IQGAP3: variants seen among roughly 807,000 people sequenced by gnomAD.
The protein encoded by IQGAP3 is ras GTPase-activating-like protein IQGAP3.
IQGAP3 carries 165 observed loss-of-function variants against 208.2 expected under a neutral mutation model. That is an observed-to-expected ratio of 0.79 (90% CI 0.70 to 0.90). IQGAP3 has a LOEUF of 0.90. Ranked by LOEUF, IQGAP3 falls within the 40% of genes least tolerant of loss-of-function variation. The probability of loss-of-function intolerance (pLI) is 0.00; values close to 1 mark genes in which losing one functional copy is unlikely to be tolerated. For missense variants in IQGAP3, 1,811 were observed against 2,043.1 expected (o/e 0.89, Z 2.19); for synonymous variants, 703 against 803.6 (o/e 0.87, Z 2.12).
In IQGAP3 at chr1:156,530,191, C is replaced by T. The variant is rs750097388; in HGVS notation, c.4318G>A (p.Val1440Ile). The T allele has an allele frequency of 6.0e-5, 97 of 1,612,592 alleles. No individual in the cohort carries two copies. Among genetic ancestry groups the T allele is most frequent in the African/African-American group, 8.0e-5 (6 of 74,926 alleles). Residue 1440 changes from valine to isoleucine, a missense_variant, in exon 34 of 38, where the codon GTC (valine) becomes ATC (isoleucine). Val to Ile is a conservative substitution (Grantham distance 29). Transcript: ENST00000361170. ...TCAAGTCGGCGTAGGTTCCGCAGGA[C>T]GCGCCGCTGCTTCTCTGCCAGTGGC... Reference protein sequence around the residue: ...LLPLAEKQRRVLRNLRRLEAL... With the variant: ...LLPLAEKQRRILRNLRRLEAL...
At chr1:156,567,604 T>G (rs1676466176) in intron 2 of IQGAP3, among the ~76,000 whole-genome samples, 1 of 152,224 alleles carries the variant, frequency 6.6e-6, no homozygotes, top group East Asian at 1.9e-4. Flanking sequence ...CCCTACATAT[T>G]GGGGTCTAAT....
chr1:156,535,712 G>A (rs1192170881), intron 27 of IQGAP3, among the ~76,000 whole-genome samples: 1 of 152,210 alleles, frequency 6.6e-6, no homozygotes, highest in Admixed American at 6.5e-5. Flanking sequence ...GCATCTGTGA[G>A]TGGCCTAGTC....
In IQGAP3 at chr1:156,548,648, T is replaced by A. The variant is rs576411714; in HGVS notation, c.1926A>T (p.Val642=). 4.3e-6 allele frequency: 7 copies of A among 1,612,432 alleles called. 1 individual carries two copies. In the South Asian group the frequency reaches 7.7e-5, roughly 18 times the overall value. The change falls in exon 17 of 38, where the codon GTA becomes GTT. Residue 642 remains valine (V), a synonymous_variant. Coordinates refer to ENST00000361170, the MANE Select transcript of IQGAP3 (RefSeq NM_178229.5). The part of the protein sequence containing the change: ...LRNPAVALRG[V]VPDCANGYQR... ...GGTAGCCGTTGGCACAGTCGGGAAC[T>A]ACCCCTCGAAGGGCCACTGCGGGGT...
At chr1:156,529,270 C>A (rs2102350349) in intron 34 of IQGAP3, among the ~76,000 whole-genome samples, 188 bp from the exon 35 acceptor site, 1 of 152,338 alleles carries the variant, frequency 6.6e-6, no homozygotes, top group African/African-American at 2.4e-5. Flanking sequence ...AGGGCCTCTG[C>A]CCGTTGAGGA....
chr1:156,536,317 C>T (rs1056295929), intron 27 of IQGAP3, among the ~76,000 whole-genome samples: 4 of 147,524 alleles, frequency 2.7e-5, no homozygotes, highest in Non-Finnish European at 4.5e-5. Context: ...CTGTCATTTT[C>T]GACAACATAG....
chr1:156,563,829 G>C lies in IQGAP3; in HGVS notation c.438-5C>G. 1 of 1,612,966 alleles carries C rather than the reference G, an allele frequency of 6.2e-7. No homozygotes were observed. Among genetic ancestry groups the C allele is most frequent in the South Asian group, 1.1e-5 (1 of 90,898 alleles). ...CCCAGCCGGAAGAGGAAGAGACTAGGAAAAAACGGAAGGCATTGGAAGGCA... is the reference window on the plus strand; with the variant it reads ...CCCAGCCGGAAGAGGAAGAGACTAGCAAAAAACGGAAGGCATTGGAAGGCA... On this transcript the variant is annotated splice_region_variant and splice_polypyrimidine_tract_variant and intron_variant, in intron 5 of 37. Transcript: ENST00000361170.
chr1:156,532,988 C>T lies in IQGAP3; in HGVS notation c.4095G>A (p.Leu1365=). The T allele has an allele frequency of 5.0e-6, 8 of 1,614,008 alleles. No homozygotes were observed. Among genetic ancestry groups the T allele is most frequent in the Non-Finnish European group, 6.8e-6 (8 of 1,179,932 alleles). The change falls in exon 32 of 38, where the codon CTG becomes CTA. Residue 1365 remains leucine (L), a synonymous_variant. Transcript: ENST00000361170. ...AGGCTGGCATCACCCACCTCAGAAG[C>T]AGGCTACGGGTGTTGGAGTCATCAG... The part of the protein sequence containing the change: ...ADADDSNTRS[L]LLSTKQLLAD...
In IQGAP3 at chr1:156,537,293, G is replaced by T. The variant is rs368383045; in HGVS notation, c.3310C>A (p.Gln1104Lys). 2.4e-5 allele frequency: 38 copies of T among 1,613,792 alleles called. No homozygotes were observed. The highest frequency in any genetic ancestry group is 3.1e-5 in the Non-Finnish European group (37 of 1,179,894). The part of the protein sequence containing the change: ...SHLPYDVTPE[Q>K]ALSHPEVQRR... Reference sequence around the variant, plus strand: ...TGGACCTCGGGGTGGCTCAAGGCCTGCTCCGGGGTGACATCATATGGGAGA... The same window carrying T: ...TGGACCTCGGGGTGGCTCAAGGCCTTCTCCGGGGTGACATCATATGGGAGA... Residue 1104 changes from glutamine (Q) to lysine (K), a missense_variant, in exon 27 of 38, where the codon CAG (glutamine) becomes AAG (lysine). By Grantham distance (53) the Gln-to-Lys change is moderately conservative. Coordinates refer to ENST00000361170, the MANE Select transcript of IQGAP3 (RefSeq NM_178229.5).
rs375217772 is a variant in IQGAP3 at position 156,566,612 on chromosome 1, A to G, written c.126-66T>C. On this transcript the variant is annotated intron_variant, in intron 2 of 37. Coordinates refer to ENST00000361170, the MANE Select transcript of IQGAP3 (RefSeq NM_178229.5). ...CACAGTGATTTATTCTAACAACAGG[A>G]ACTTCCCTCTGTCCCTCCTTTTAAG... The G allele has an allele frequency of 1.2e-4, 179 of 1,509,524 alleles. 7 individuals carry two copies. The highest frequency in any genetic ancestry group is 6.0e-4 in the East Asian group (26 of 43,330). The allele number at this position is 1,509,524 out of a possible 1,614,324, so 93.5% of individuals were successfully genotyped here.
chr1:156,547,396 C>CACACAT (rs1170564765), intron 19 of IQGAP3, among the ~76,000 whole-genome samples: 340 of 137,934 alleles, frequency 2.5e-3, no homozygotes, highest in African/African-American at 8.7e-3. Context: ...CAGACACACA[C>CACACAT]ACACACACAC....
At chr1:156,563,919 G>C in intron 5 of IQGAP3, 95 bp from the exon 6 acceptor site, 3 of 981,702 alleles carry the variant, frequency 3.1e-6, no homozygotes, top group Non-Finnish European at 4.6e-6. Context: ...TGGGGACCTA[G>C]AGATGAAGAC....
chr1:156,550,671 G>A (rs370951553), intron 15 of IQGAP3, among the ~76,000 whole-genome samples: 1 of 152,254 alleles, frequency 6.6e-6, no homozygotes, highest in East Asian at 1.9e-4. Context: ...TCAATTCCCT[G>A]CTCTTATGCC....
At position 156,534,726 on chromosome 1, in the gene IQGAP3, C is replaced by T; in HGVS notation, c.3515G>A (p.Gly1172Glu). ...CAGGAAGCGGTAGTACAGGAGGTTC[C>T]CGACCACCTGAGGGCAAAGGAGACT... ...ATDSEVYKVVGNLLYYRFLNP... is the reference protein window; with the variant it reads ...ATDSEVYKVVENLLYYRFLNP... Residue 1172 changes from glycine (G) to glutamate (E), a missense_variant, in exon 29 of 38, where the codon GGG (glycine) becomes GAG (glutamate). Gly to Glu is a moderately conservative substitution (Grantham distance 98, BLOSUM62 -2). Transcript: ENST00000361170. 1.3e-6 allele frequency: 2 copies of T among 1,560,924 alleles called. No homozygotes were observed. The highest frequency in any genetic ancestry group is 1.7e-6 in the Non-Finnish European group (2 of 1,154,948).
Position 156,569,422 on chromosome 1 carries a change from G to T in IQGAP3, c.79C>A (p.Gln27Lys). The stretch of plus-strand genomic sequence containing the variant: ...CACAGGTACTGATAGGCAACATTCT[G>T]CCGCCTCTGCTCATCCATCTCCTCA... ...TAEEMDEQRR[Q>K]NVAYQYLCRL... is the part of the protein sequence containing the mutation. The change falls in exon 2 of 38, where the codon CAG (glutamine) becomes AAG (lysine). Residue 27 changes from glutamine (Q) to lysine (K), a missense_variant. Physicochemically the swap from Gln to Lys is moderately conservative, Grantham distance 53. Coordinates refer to ENST00000361170, the MANE Select transcript of IQGAP3 (RefSeq NM_178229.5). 6.2e-7 allele frequency: 1 copy of T among 1,612,774 alleles called. No homozygotes were observed. The highest frequency in any genetic ancestry group is 8.5e-7 in the Non-Finnish European group (1 of 1,179,484).
chr1:156,547,939 G>T, intron 19 of IQGAP3, 134 bp downstream of exon 19: 1 of 800,632 alleles, frequency 1.2e-6, no homozygotes. Context: ...TCTGGCTCCA[G>T]AACCTATGCT....
chr1:156,569,510 G>T, intron 1 of IQGAP3, 47 bp from the exon 2 acceptor site: 1 of 820,730 alleles, frequency 1.2e-6, no homozygotes, highest in East Asian at 2.9e-5. Flanking sequence ...CATTAGAGGT[G>T]CCTTAGCACT....
intron 33 of IQGAP3, 44 bp from the exon 34 acceptor site, chr1:156,530,361 T>A: frequency 6.5e-7 from 1 of 1,542,910 alleles, no homozygotes; most frequent in African/African-American, 1.4e-5. Flanking sequence ...GGTCCTACCA[T>A]TCTGCTCCCA....
intron 13 of IQGAP3, among the ~76,000 whole-genome samples, chr1:156,553,234 C>T (rs929153402): frequency 3.9e-5 from 6 of 152,164 alleles, no homozygotes; most frequent in East Asian, 1.9e-4. Context: ...AAAACCCTCC[C>T]GTGGCTTCCT....
intron 28 of IQGAP3, 23 bp from the exon 29 acceptor site, chr1:156,534,756 CA>C: frequency 1.4e-6 from 2 of 1,467,594 alleles, no homozygotes; most frequent in Middle Eastern, 2.5e-4. Flanking sequence ...GAGACTCTCC[CA>C]GAAGTGTCCA....
Sources: allele counts gnomAD v4.1 joint callset (sites outside exome capture counted in the v4.1 genomes callset), GRCh38; gene constraint gnomAD v4.1.1; transcripts MANE v1.5; gene names NCBI Gene and HGNC (gene_info 2026-07-23, HGNC 2026-07-21).